The following RORA variants were observed in gnomAD, a reference collection of about 807,000 sequenced individuals.
The protein encoded by RORA is nuclear receptor ROR-alpha.
A neutral mutation model predicts 69.5 loss-of-function variants in RORA; 7 were observed. The ratio of observed to expected loss-of-function variants is 0.10; its 90% CI spans 0.06 to 0.19. RORA has a LOEUF of 0.19. RORA is among the 10% of genes least tolerant of loss of function. The pLI, the probability that RORA is intolerant of heterozygous loss-of-function variation, is 1.00. For missense variants in RORA, 457 were observed against 663.0 expected, an observed-to-expected ratio of 0.69 and a Z score of 3.41; for synonymous variants, 261 against 240.8, an observed-to-expected ratio of 1.08 and a Z score of -0.78.
intron 1 of RORA, among the ~76,000 whole-genome samples, chr15:60,833,405 G>A (rs916058685): frequency 5.3e-5 from 8 of 151,618 alleles, no homozygotes; most frequent in African/African-American, 1.9e-4. Context: ...TAGTAGAGAT[G>A]GGGTTTCACC....
intron 1 of RORA, among the ~76,000 whole-genome samples, chr15:60,728,847 C>T (rs777221047): frequency 4.0e-5 from 6 of 151,770 alleles, no homozygotes; most frequent in Non-Finnish European, 5.9e-5. Context: ...AGTCAGAGTG[C>T]GAAAAGTACT....
rs76179016 is a variant in RORA, at chr15:61,180,459, G to A, written c.166+48594C>T. 7.8e-3 allele frequency among the ~76,000 whole-genome samples: 1,187 copies of A among 152,206 alleles called. 17 individuals are homozygous for A. Among genetic ancestry groups the A allele is most frequent in the African/African-American group, 0.027 (1,115 of 41,524 alleles). On this transcript the variant is annotated intron_variant, in intron 1 of 10. Coordinates refer to ENST00000335670, the MANE Select transcript of RORA (RefSeq NM_134261.3). ...TACAAGGTTATAGGGTCATTTGTGCGGACCAATTAGTTACCTTGCTGTGTT... is the reference window on the plus strand; with the variant it reads ...TACAAGGTTATAGGGTCATTTGTGCAGACCAATTAGTTACCTTGCTGTGTT...
chr15:61,179,819 T>C (rs1365957840), intron 1 of RORA, among the ~76,000 whole-genome samples: 2 of 152,112 alleles, frequency 1.3e-5, no homozygotes, highest in African/African-American at 4.8e-5. Context: ...TTACACATGA[T>C]TTAAAAGCAA....
intron 2 of RORA, among the ~76,000 whole-genome samples, chr15:60,542,493 G>A (rs1029097387): frequency 4.7e-4 from 57 of 121,348 alleles, no homozygotes; most frequent in Non-Finnish European, 8.2e-4. Flanking sequence ...CACCTCACAC[G>A]GCACACAGGC....
At chr15:61,007,235 T>G (rs1425515752) in intron 1 of RORA, among the ~76,000 whole-genome samples, 1 of 152,190 alleles carries the variant, frequency 6.6e-6, no homozygotes, top group East Asian at 1.9e-4. Flanking sequence ...GGTTGGTTGT[T>G]TTGGGTGTAT....
intron 2 of RORA, among the ~76,000 whole-genome samples, chr15:60,558,602 T>C (rs1267366388): frequency 6.6e-6 from 1 of 152,244 alleles, no homozygotes; most frequent in Non-Finnish European, 1.5e-5. Context: ...TCTAAAGATA[T>C]GGTTGGACTT....
intron 3 of RORA, among the ~76,000 whole-genome samples, chr15:60,516,067 TTA>T (rs1362505088): frequency 5.6e-4 from 29 of 51,978 alleles, no homozygotes; most frequent in Non-Finnish European, 7.1e-4. Context: ...TTATATATAT[TTA>T]TATATATTTA....
chr15:60,931,825 G>A (rs921209413), intron 1 of RORA, among the ~76,000 whole-genome samples: 73 of 152,330 alleles, frequency 4.8e-4, no homozygotes, highest in African/African-American at 1.6e-3. Context: ...AGTTGGCTGA[G>A]TTCTCCAGCT....
At chr15:61,007,799 C>T (rs1894958147) in intron 1 of RORA, among the ~76,000 whole-genome samples, 1 of 146,634 alleles carries the variant, frequency 6.8e-6, no homozygotes, top group Non-Finnish European at 1.5e-5. Flanking sequence ...TAACATTAGG[C>T]TGTTACATAT....
At chr15:60,549,737 C>G (rs1216176392) in intron 2 of RORA, among the ~76,000 whole-genome samples, 1 of 152,102 alleles carries the variant, frequency 6.6e-6, no homozygotes, top group Non-Finnish European at 1.5e-5. Flanking sequence ...TAACGTCACT[C>G]TCCACCCCCT....
chr15:60,868,815 C>T (rs979108295), intron 1 of RORA, among the ~76,000 whole-genome samples: 3 of 152,160 alleles, frequency 2.0e-5, no homozygotes, highest in African/African-American at 7.2e-5. Flanking sequence ...GGGGGAAAAA[C>T]ACTCAGTAAG....
At position 60,981,143 on chromosome 15, in the gene RORA, G is replaced by A. The variant is rs537283321; in HGVS notation, c.166+247910C>T. Among the ~76,000 whole-genome samples, 8 of 150,662 alleles carry A rather than the reference G, an allele frequency of 5.3e-5. No individual in the cohort carries two copies. The East Asian group carries it at 1.6e-3, about 29-fold the overall frequency. ...TTTGAATGTCATCACACTGCCTTTG[G>A]CCTCCATGGTTTGTGATGAGAAATC... is the stretch of plus-strand genomic sequence containing the variant. On this transcript the variant is annotated intron_variant, in intron 1 of 10. Coordinates refer to ENST00000335670, the MANE Select transcript of RORA (RefSeq NM_134261.3).
intron 1 of RORA, among the ~76,000 whole-genome samples, chr15:61,183,337 C>A (rs186965632): frequency 6.6e-6 from 1 of 152,312 alleles, no homozygotes; most frequent in Non-Finnish European, 1.5e-5. Context: ...GCGTTCCAGG[C>A]CAGCCTGGCC....
intron 2 of RORA, among the ~76,000 whole-genome samples, chr15:60,603,712 C>T (rs991084600): frequency 3.3e-5 from 5 of 152,200 alleles, no homozygotes; most frequent in Non-Finnish European, 5.9e-5. Flanking sequence ...TGGCTAGAGA[C>T]AGCTTATGTA....
At chr15:60,649,515 C>G (rs2070108618) in intron 2 of RORA, among the ~76,000 whole-genome samples, 1 of 152,186 alleles carries the variant, frequency 6.6e-6, no homozygotes, top group Non-Finnish European at 1.5e-5. Flanking sequence ...CTTCTAACGT[C>G]AGAACATTCT....
At chr15:60,731,973 G>T (rs1289717492) in intron 1 of RORA, among the ~76,000 whole-genome samples, 1 of 152,178 alleles carries the variant, frequency 6.6e-6, no homozygotes, top group Admixed American at 6.5e-5. Flanking sequence ...GCCATACCAG[G>T]CTAGAAGTTC....
At chr15:61,144,943 ATG>A (rs1159815254) in intron 1 of RORA, among the ~76,000 whole-genome samples, 1 of 152,166 alleles carries the variant, frequency 6.6e-6, no homozygotes, top group African/African-American at 2.4e-5. Flanking sequence ...TTTATTCTGT[ATG>A]TGTTATTTTT....
intron 1 of RORA, among the ~76,000 whole-genome samples, chr15:61,148,190 C>T (rs1478345541): frequency 6.6e-6 from 1 of 152,070 alleles, no homozygotes; most frequent in Non-Finnish European, 1.5e-5. Flanking sequence ...GAGGATCAGG[C>T]CACAGCAGTG....
rs994419911 is a variant in RORA, at chr15:61,061,442, AG to A, written c.166+167610del. Among the ~76,000 whole-genome samples, 62 of 152,152 alleles carry A rather than the reference AG, an allele frequency of 4.1e-4. No individual in the cohort carries two copies. The highest frequency in any genetic ancestry group is 7.1e-4 in the Non-Finnish European group (48 of 68,042). On this transcript the variant is annotated intron_variant, in intron 1 of 10. Transcript: ENST00000335670. The surrounding 1 kb of genome is among the most constrained non-coding windows in gnomAD (Gnocchi z 4.4). ...GTCCTGATGTCAAGGTAATGCGGCCAGGCATATCTGTTGTTGCTGACCTGAG... is the reference window on the plus strand; with the variant it reads ...GTCCTGATGTCAAGGTAATGCGGCCAGCATATCTGTTGTTGCTGACCTGAG...
Sources: allele counts gnomAD v4.1 joint callset (sites outside exome capture counted in the v4.1 genomes callset), GRCh38; gene constraint gnomAD v4.1.1; non-coding constraint Gnocchi (gnomAD v3.1); transcripts MANE v1.5; gene names NCBI Gene and HGNC (gene_info 2026-07-23, HGNC 2026-07-21).